Variants in ACTN1 observed in about 807,000 individuals in gnomAD.
ACTN1 encodes actinin alpha 1.
ACTN1 carries 30 observed loss-of-function variants against 119.6 expected under a neutral mutation model. The observed-to-expected ratio is 0.25, with a 90% CI of 0.19 to 0.34. The LOEUF is 0.34. ACTN1 is among the 10% of genes least tolerant of loss of function. The probability of loss-of-function intolerance (pLI) is 1.00; values close to 1 mark genes in which losing one functional copy is unlikely to be tolerated. For missense variants in ACTN1, 764 were observed against 1,223.4 expected, an observed-to-expected ratio of 0.62 and a Z score of 5.60; for synonymous variants, 429 against 472.6, an observed-to-expected ratio of 0.91 and a Z score of 1.20.
chr14:68,911,994 T>C (rs943437394), intron 4 of ACTN1, among the ~76,000 whole-genome samples, 162 bp downstream of exon 4: 1 of 152,220 alleles, frequency 6.6e-6, no homozygotes. Context: ...TTCTTTTTTC[T>C]ACATTGACTG....
rs202125007 is a variant in ACTN1 at position 68,882,555 on chromosome 14, G to T, written c.1856C>A (p.Thr619Lys). The T allele has an allele frequency of 1.9e-6, 3 of 1,614,032 alleles. No individual in the cohort carries two copies. The African/African-American group carries it at 4.0e-5, about 22-fold the overall frequency. Residue 619 changes from threonine to lysine, a missense_variant, in exon 16 of 22, where the codon ACG becomes AAG. This residue lies in a region of ACTN1 where 544 missense variants were observed against 912.0 expected (regional missense o/e 0.60). Coordinates refer to ENST00000394419, the MANE Select transcript of ACTN1 (RefSeq NM_001130004.2). This position sits in a 1 kb window ranked among gnomAD's most constrained non-coding sequence, Gnocchi z 4.5. ...QLVPRRDQAL[T>K]EEHARQQHNE... ...GTGCTGCTGTCGGGCATGCTCCTCC[G>T]TCAGAGCTTGGTCCCTCCGAGGCAC...
At chr14:68,976,868 C>T (rs930298350) in intron 1 of ACTN1, among the ~76,000 whole-genome samples, 1 of 152,230 alleles carries the variant, frequency 6.6e-6, no homozygotes, top group Non-Finnish European at 1.5e-5. Context: ...AACCCAGTTT[C>T]CCAGACCACC....
chr14:68,945,659 A>T (rs1420888821), intron 1 of ACTN1, among the ~76,000 whole-genome samples: 2 of 152,116 alleles, frequency 1.3e-5, no homozygotes, highest in African/African-American at 4.8e-5. Flanking sequence ...TACAAGAGAT[A>T]CTCAGGAGAG....
At position 68,874,709 on chromosome 14, in the gene ACTN1, T is replaced by G. The variant is rs1292772110; in HGVS notation, c.*150A>C. On this transcript the variant is annotated 3_prime_UTR_variant, in exon 22 of 22. Transcript: ENST00000394419. ...AGAAAATAATTTTGTAAACTGTCAC[T>G]TCGCGGGCAGGGAGGATCGATGCCA... 1.4e-6 allele frequency: 1 copy of G among 712,750 alleles called. No homozygotes were observed. The highest frequency in any genetic ancestry group is 2.0e-6 in the Non-Finnish European group (1 of 493,618). 44.2% of individuals were successfully genotyped at this position (712,750 alleles called of 1,614,324 possible).
chr14:68,916,048 A>G (rs926327188), intron 3 of ACTN1, among the ~76,000 whole-genome samples: 6 of 152,266 alleles, frequency 3.9e-5, no homozygotes, highest in African/African-American at 1.4e-4. Context: ...GAACGCAGAC[A>G]TTAATGCTTA....
At chr14:68,963,888 C>G (rs2036618714) in intron 1 of ACTN1, among the ~76,000 whole-genome samples, 1 of 152,164 alleles carries the variant, frequency 6.6e-6, no homozygotes, top group South Asian at 2.1e-4. Flanking sequence ...CTATACTATT[C>G]TCTCTACTCC....
intron 1 of ACTN1, among the ~76,000 whole-genome samples, chr14:68,953,390 G>A (rs1267275470): frequency 6.6e-6 from 1 of 152,112 alleles, no homozygotes; most frequent in Non-Finnish European, 1.5e-5. Context: ...CCATGCATCA[G>A]CCTCAGCACT....
At chr14:68,942,459 T>A (rs1440036165) in intron 1 of ACTN1, among the ~76,000 whole-genome samples, 1 of 152,100 alleles carries the variant, frequency 6.6e-6, no homozygotes, top group East Asian at 1.9e-4. Context: ...GAGGAGAGGT[T>A]TTCTGCAGAG....
At chr14:68,978,353 C>G (rs558897971) in intron 1 of ACTN1, 26 of 384,390 alleles carry the variant, frequency 6.8e-5, no homozygotes, top group Admixed American at 1.6e-4. Context: ...AGCCCGCGTA[C>G]GCCCCCCAGT....
chr14:68,932,991 G>T (rs1329725611), intron 1 of ACTN1, among the ~76,000 whole-genome samples: 1 of 152,128 alleles, frequency 6.6e-6, no homozygotes, highest in South Asian at 2.1e-4. Context: ...CCTCTCCTGA[G>T]TGCTTTACCT....
chr14:68,890,355 G>T, intron 10 of ACTN1, 69 bp from the exon 11 acceptor site: 2 of 1,565,006 alleles, frequency 1.3e-6, no homozygotes, highest in Non-Finnish European at 1.7e-6. Context: ...TAGCCCCCTA[G>T]ACCCCTGAAG....
Position 68,937,796 on chromosome 14 carries a change from A to G in ACTN1, c.106-12124T>C, listed in dbSNP as rs143707869. Among the ~76,000 whole-genome samples the G allele has an allele frequency of 6.4e-3, 975 of 152,280 alleles. 13 individuals are homozygous for G. Among genetic ancestry groups the G allele is most frequent in the African/African-American group, 0.022 (934 of 41,548 alleles). ...GGCTCATCGAGTCAAAAACAAACTC[A>G]CCAGCCTCCCCAGGCAAGCACCCTG... On this transcript the variant is annotated intron_variant, in intron 1 of 21. Transcript: ENST00000394419.
Position 68,880,992 on chromosome 14 carries a change from G to C in ACTN1, c.1954-3C>G. On this transcript the variant is annotated splice_region_variant and splice_polypyrimidine_tract_variant and intron_variant, in intron 16 of 21. Coordinates refer to ENST00000394419, the MANE Select transcript of ACTN1 (RefSeq NM_001130004.2). The surrounding 1 kb of genome is among the most constrained non-coding windows in gnomAD (Gnocchi z 4.6). Reference sequence around the variant, plus strand: ...TCAATGGAGATCCTCCCGATCTCCTGCTCACCGGGAAGGAAGCACCTTGTC... The same window carrying C: ...TCAATGGAGATCCTCCCGATCTCCTCCTCACCGGGAAGGAAGCACCTTGTC... 3.7e-6 allele frequency: 6 copies of C among 1,613,770 alleles called. No homozygotes were observed. The highest frequency in any genetic ancestry group is 5.1e-6 in the Non-Finnish European group (6 of 1,179,826).
intron 6 of ACTN1, among the ~76,000 whole-genome samples, chr14:68,905,128 T>C (rs1360627207): frequency 6.6e-6 from 1 of 152,186 alleles, no homozygotes; most frequent in Non-Finnish European, 1.5e-5. Context: ...TGACCTCAGC[T>C]TCTCCATCCA....
intron 8 of ACTN1, among the ~76,000 whole-genome samples, chr14:68,901,257 T>G (rs1002917278): frequency 2.7e-5 from 4 of 145,738 alleles, no homozygotes; most frequent in African/African-American, 1.0e-4. Context: ...TTGTTTTTTT[T>G]TTTTTTTTGA....
intron 1 of ACTN1, among the ~76,000 whole-genome samples, chr14:68,953,644 C>A (rs570822118): frequency 2.0e-5 from 3 of 151,164 alleles, no homozygotes; most frequent in African/African-American, 7.3e-5. Context: ...TTTGGGAGGC[C>A]GAGGCAGGCA....
In ACTN1 at chr14:68,910,023, C is replaced by T; in HGVS notation, c.447G>A (p.Gly149=). Residue 149 remains glycine (G), a synonymous_variant, in exon 5 of 22, where the codon GGG becomes GGA. Transcript: ENST00000394419. The stretch of plus-strand genomic sequence containing the variant: ...TCTTTCTCTGACACCACAGGAGCAG[C>T]CCTTCCTTGGCTGAAGTCTCTATGG... ...ISVEETSAKE[G]LLLWCQRKTA... The T allele has an allele frequency of 1.9e-6, 3 of 1,613,864 alleles. No individual in the cohort carries two copies. Among genetic ancestry groups the T allele is most frequent in the Non-Finnish European group, 2.5e-6 (3 of 1,179,922 alleles).
At chr14:68,881,485 T>G (rs925117413) in intron 16 of ACTN1, among the ~76,000 whole-genome samples, 12 of 152,212 alleles carry the variant, frequency 7.9e-5, no homozygotes, top group Admixed American at 2.0e-4. Flanking sequence ...CCAGGCCTAA[T>G]GCCCATTTCT....
intron 8 of ACTN1, among the ~76,000 whole-genome samples, chr14:68,894,978 C>T (rs181366339): frequency 6.6e-6 from 1 of 151,922 alleles, no homozygotes; most frequent in Admixed American, 6.6e-5. Context: ...TTCTCGAATC[C>T]GCCCACCAAA....
Sources: allele counts gnomAD v4.1 joint callset (sites outside exome capture counted in the v4.1 genomes callset), GRCh38; gene constraint gnomAD v4.1.1; regional missense constraint gnomAD v4.1.1; non-coding constraint Gnocchi (gnomAD v3.1); transcripts MANE v1.5; gene names NCBI Gene and HGNC (gene_info 2026-07-23, HGNC 2026-07-21).